Variants in AOPEP observed in about 807,000 individuals in gnomAD.
AOPEP encodes aminopeptidase O.
Under a neutral mutation model 98.1 loss-of-function variants are expected in AOPEP, and 77 were observed. The ratio of observed to expected loss-of-function variants is 0.78; its 90% confidence interval spans 0.65 to 0.95. AOPEP has a LOEUF of 0.95. Ranked by LOEUF, AOPEP falls within the 40% of genes least tolerant of loss-of-function variation. The probability of loss-of-function intolerance (pLI) is 0.00; values close to 1 mark genes in which losing one functional copy is unlikely to be tolerated. For missense variants in AOPEP, 1,024 were observed against 1,024.7 expected, an observed-to-expected ratio of 1.00 and a Z score of 0.01; for synonymous variants, 346 against 365.3, an observed-to-expected ratio of 0.95 and a Z score of 0.60.
intron 5 of AOPEP, among the ~76,000 whole-genome samples, chr9:94,835,720 T>C (rs1183994378): frequency 6.6e-6 from 1 of 152,216 alleles, no homozygotes; most frequent in Non-Finnish European, 1.5e-5. Context: ...GTTTTTCTTT[T>C]TGCTTCAGTT....
chr9:94,906,973 A>G (rs2051240644), intron 5 of AOPEP, among the ~76,000 whole-genome samples: 1 of 152,174 alleles, frequency 6.6e-6, no homozygotes, highest in Admixed American at 6.5e-5. Context: ...AGCTGATACT[A>G]GAAAGGAGAG....
At chr9:94,873,196 C>T (rs1246268056) in intron 5 of AOPEP, among the ~76,000 whole-genome samples, 1 of 152,128 alleles carries the variant, frequency 6.6e-6, no homozygotes, top group African/African-American at 2.4e-5. Context: ...TTTCCAGGGG[C>T]ATTGTTTCTA....
At chr9:94,775,640 C>T (rs2132959849) in intron 3 of AOPEP, among the ~76,000 whole-genome samples, 1 of 152,064 alleles carries the variant, frequency 6.6e-6, no homozygotes, top group East Asian at 2.0e-4. Flanking sequence ...GCTGCAATTA[C>T]AGGTGTGAGC....
chr9:94,796,640 G>A (rs1279969716), intron 4 of AOPEP, among the ~76,000 whole-genome samples: 2 of 152,176 alleles, frequency 1.3e-5, no homozygotes. Context: ...CAGAAATTTG[G>A]CCAAAGTGTT....
chr9:94,795,159 C>T (rs1846635673), intron 4 of AOPEP, among the ~76,000 whole-genome samples: 1 of 152,150 alleles, frequency 6.6e-6, no homozygotes, highest in Admixed American at 6.5e-5. Flanking sequence ...AATGTCCCTA[C>T]TAAGTAGCAA....
At chr9:95,094,286 G>A in the AOPEP span, among the ~76,000 whole-genome samples, 3 of 152,206 alleles carry the variant, frequency 2.0e-5, no homozygotes, top group Admixed American at 2.0e-4. Flanking sequence ...TCTGCTCCTT[G>A]GAGAAAGGAT....
Position 95,080,607 on chromosome 9 carries a change from G to A in AOPEP, c.2233-87G>A, listed in dbSNP as rs191634185. On this transcript the variant is annotated intron_variant, in intron 14 of 16. Coordinates refer to ENST00000375315, the MANE Select transcript of AOPEP (RefSeq NM_001193329.3). ...AGCCCATTTGAGAGCACAGCTTTCCGGAATACAGAGGCTGCCTGTCACTGG... is the reference window on the plus strand; with the variant it reads ...AGCCCATTTGAGAGCACAGCTTTCCAGAATACAGAGGCTGCCTGTCACTGG... 9.0e-5 allele frequency: 77 copies of A among 851,954 alleles called. No homozygotes were observed. The African/African-American group carries it at 9.5e-4, about 10-fold the overall frequency. The allele number at this position is 851,954 out of a possible 1,614,324, so 52.8% of individuals were successfully genotyped here.
chr9:94,865,025 C>A (rs996975571), intron 5 of AOPEP, among the ~76,000 whole-genome samples: 1 of 152,104 alleles, frequency 6.6e-6, no homozygotes, highest in Non-Finnish European at 1.5e-5. Context: ...AACACACACT[C>A]GAGTAATTTT....
the AOPEP span, among the ~76,000 whole-genome samples, chr9:95,104,335 G>C: frequency 1.3e-5 from 2 of 152,252 alleles, no homozygotes; most frequent in East Asian, 1.9e-4. Context: ...GTCCCTGACA[G>C]AGTCAGTGCA....
chr9:95,079,163 C>G (rs114280284), intron 14 of AOPEP, among the ~76,000 whole-genome samples: 1 of 152,178 alleles, frequency 6.6e-6, no homozygotes, highest in African/African-American at 2.4e-5. Flanking sequence ...AGTTAACACC[C>G]GTTCTCAGAG....
At chr9:95,042,773 T>C (rs754823398) in intron 13 of AOPEP, among the ~76,000 whole-genome samples, 14 of 152,214 alleles carry the variant, frequency 9.2e-5, no homozygotes, top group East Asian at 1.9e-4. Context: ...TGGACACTTA[T>C]GCTTACGTTG....
intron 5 of AOPEP, among the ~76,000 whole-genome samples, chr9:94,861,408 C>A (rs1361078190): frequency 6.6e-6 from 1 of 152,158 alleles, no homozygotes; most frequent in African/African-American, 2.4e-5. Context: ...TGGTTCTTTC[C>A]TGTGTATTCA....
chr9:94,910,728 A>G (rs890456594), intron 5 of AOPEP, among the ~76,000 whole-genome samples: 3 of 152,184 alleles, frequency 2.0e-5, no homozygotes, highest in Non-Finnish European at 4.4e-5. Flanking sequence ...CTTGAGAAGT[A>G]TGGACATTTC....
Position 94,950,180 on chromosome 9 carries a change from G to A in AOPEP, c.1662-4997G>A, listed in dbSNP as rs149822764. Among the ~76,000 whole-genome samples the A allele has an allele frequency of 7.2e-5, 11 of 152,292 alleles. No individual in the cohort carries two copies. In the East Asian group the frequency reaches 1.5e-3, roughly 21 times the overall value. On this transcript the variant is annotated intron_variant, in intron 7 of 16. Coordinates refer to ENST00000375315, the MANE Select transcript of AOPEP (RefSeq NM_001193329.3). ...TCCCCCATGACAGCATCTCACATGC[G>A]TAACTATGGTGCCATGTCTTCTTAA... is the stretch of plus-strand genomic sequence containing the variant.
At chr9:95,039,952 C>G (rs2065147411) in intron 13 of AOPEP, among the ~76,000 whole-genome samples, 1 of 152,190 alleles carries the variant, frequency 6.6e-6, no homozygotes. Context: ...TCCCACAGAA[C>G]TAAAGCATGT....
chr9:94,845,416 G>C (rs543504463), intron 5 of AOPEP, among the ~76,000 whole-genome samples: 1 of 152,314 alleles, frequency 6.6e-6, no homozygotes, highest in African/African-American at 2.4e-5. Context: ...TTTTTATTCT[G>C]AGCAATTGTG....
chr9:95,111,197 C>G, the AOPEP span: 1 of 1,536,164 alleles, frequency 6.5e-7, no homozygotes, highest in Non-Finnish European at 8.7e-7. Context: ...AATAACAGAT[C>G]AAATGACCTT....
At chr9:94,873,844 A>G (rs563282081) in intron 5 of AOPEP, among the ~76,000 whole-genome samples, 1 of 152,302 alleles carries the variant, frequency 6.6e-6, no homozygotes, top group East Asian at 1.9e-4. Flanking sequence ...GTTTCAGTAA[A>G]TGATATATAT....
intron 3 of AOPEP, among the ~76,000 whole-genome samples, chr9:94,781,359 C>A (rs2133150184): frequency 6.6e-6 from 1 of 152,238 alleles, no homozygotes; most frequent in South Asian, 2.1e-4. Flanking sequence ...TCTTTATAAT[C>A]AGGCAGAAGT....
Sources: allele counts gnomAD v4.1 joint callset (sites outside exome capture counted in the v4.1 genomes callset), GRCh38; gene constraint gnomAD v4.1.1; transcripts MANE v1.5; gene names NCBI Gene and HGNC (gene_info 2026-07-23, HGNC 2026-07-21).